The following BRPF3 variants were observed in gnomAD, a reference collection of about 807,000 sequenced individuals.
The protein encoded by BRPF3 is bromodomain and PHD finger-containing protein 3.
A neutral mutation model predicts 102.0 loss-of-function variants in BRPF3; 18 were observed. The ratio of observed to expected loss-of-function variants is 0.18; its 90% confidence interval spans 0.12 to 0.26. BRPF3 has a LOEUF of 0.26. Ranked by LOEUF, BRPF3 falls within the 10% of genes least tolerant of loss-of-function variation. The probability of loss-of-function intolerance (pLI) is 1.00; values close to 1 mark genes in which losing one functional copy is unlikely to be tolerated. For missense variants in BRPF3, 1,147 were observed against 1,567.8 expected (o/e 0.73, Z 4.53); for synonymous variants, 570 against 614.2 (o/e 0.93, Z 1.06).
Position 36,213,918 on chromosome 6 carries a change from A to G in BRPF3, c.2521A>G (p.Thr841Ala), listed in dbSNP as rs189565638. The change falls in exon 8 of 13, where the codon ACT becomes GCT. Residue 841 changes from threonine (T) to alanine (A), a missense_variant. Transcript: ENST00000357641. ...KLPPPPTLEPTGPAPSLSEQE... is the reference protein window; with the variant it reads ...KLPPPPTLEPAGPAPSLSEQE... ...GCCTCCTCCGCCAACCCTGGAGCCC[A>G]CTGGGCCTGCACCTTCCTTGTCTGA... 12 of 1,613,252 alleles carry G rather than the reference A, an allele frequency of 7.4e-6. No homozygotes were observed. The South Asian group carries it at 1.2e-4, about 16-fold the overall frequency.
At chr6:36,198,171 T>G (rs1767572934) in intron 1 of BRPF3, among the ~76,000 whole-genome samples, 1 of 152,210 alleles carries the variant, frequency 6.6e-6, no homozygotes, top group Non-Finnish European at 1.5e-5. Flanking sequence ...TGGCTCCAAA[T>G]GGGGTGTGTG....
At chr6:36,226,544 A>T (rs1038342433) in intron 11 of BRPF3, among the ~76,000 whole-genome samples, 1 of 152,180 alleles carries the variant, frequency 6.6e-6, no homozygotes, top group Non-Finnish European at 1.5e-5. Flanking sequence ...TGAGGCATCA[A>T]TATTTTTTAG....
chr6:36,211,637 G>T, intron 7 of BRPF3, 77 bp downstream of exon 7: 1 of 1,478,330 alleles, frequency 6.8e-7, no homozygotes, highest in Non-Finnish European at 9.1e-7. Context: ...TCATAATGGG[G>T]GTATTCTTTC....
At position 36,204,741 on chromosome 6, in the gene BRPF3, G is replaced by A. The variant is rs557769148; in HGVS notation, c.1532G>A (p.Arg511Gln). The A allele has an allele frequency of 6.2e-7, 1 of 1,614,218 alleles. No homozygotes were observed. The highest frequency in any genetic ancestry group is 2.2e-5 in the East Asian group (1 of 44,882). ...CTTCACAATTATTGGCTGTTGAAGC[G>A]GCAGGCACGGAATGGTGTCCCTCTT... ...QRLHNYWLLK[R>Q]QARNGVPLIR... Residue 511 changes from arginine (R) to glutamine (Q), a missense_variant, in exon 3 of 13, where the codon CGG becomes CAG. Transcript: ENST00000357641.
At chr6:36,212,717 G>A (rs528351451) in intron 7 of BRPF3, among the ~76,000 whole-genome samples, 2 of 152,216 alleles carry the variant, frequency 1.3e-5, no homozygotes, top group African/African-American at 4.8e-5. Flanking sequence ...ACTTTGGGAG[G>A]CCGAGGCGGG....
intron 1 of BRPF3, chr6:36,197,173 C>G (rs1326775784): frequency 6.6e-6 from 1 of 152,550 alleles, no homozygotes; most frequent in African/African-American, 2.4e-5. Flanking sequence ...AGCGAGGACC[C>G]CCTCCCGCAG....
At chr6:36,228,489 C>G (rs959595582) in intron 11 of BRPF3, among the ~76,000 whole-genome samples, 6 of 152,224 alleles carry the variant, frequency 3.9e-5, no homozygotes, top group African/African-American at 1.4e-4. Flanking sequence ...ACTGAGCCTC[C>G]TCTCTGATCT....
At position 36,207,133 on chromosome 6, in the gene BRPF3, C is replaced by T. The variant is rs115014253; in HGVS notation, c.1606-180C>T. 1.3e-3 allele frequency among the ~76,000 whole-genome samples: 194 copies of T among 152,232 alleles called. 1 individual carries two copies. The highest frequency in any genetic ancestry group is 4.5e-3 in the African/African-American group (187 of 41,530). ...ATTGCTTTATAATGAAGAAACAGTGCTGTAATACTGGGGCAGCTCAGGAGG... is the reference window on the plus strand; with the variant it reads ...ATTGCTTTATAATGAAGAAACAGTGTTGTAATACTGGGGCAGCTCAGGAGG... On this transcript the variant is annotated intron_variant, in intron 3 of 12. Coordinates refer to ENST00000357641, the MANE Select transcript of BRPF3 (RefSeq NM_015695.3).
chr6:36,228,763 G>C, intron 11 of BRPF3, 139 bp from the exon 12 acceptor site: 2 of 982,572 alleles, frequency 2.0e-6, no homozygotes, highest in Admixed American at 4.5e-5. Flanking sequence ...GGGTTTGCCT[G>C]TCTGGTCTGG....
intron 1 of BRPF3, among the ~76,000 whole-genome samples, chr6:36,198,438 A>T (rs1366124692): frequency 6.6e-6 from 1 of 152,184 alleles, no homozygotes; most frequent in Non-Finnish European, 1.5e-5. Context: ...ACCAGACCAT[A>T]GCACCTCTGT....
In BRPF3 at chr6:36,201,416, T is replaced by C. The variant is rs755050538; in HGVS notation, c.1094T>C (p.Met365Thr). ...GGGCTCTTCATGAAGATTGAGCCCA[T>C]GCGCGAAACCAGCCTCAATGGCACC... ...RAGLFMKIEP[M>T]RETSLNGTIF... Residue 365 changes from methionine to threonine, a missense_variant, in exon 2 of 13, where the codon ATG (methionine) becomes ACG (threonine). By Grantham distance (81) the Met-to-Thr change is moderately conservative. Transcript: ENST00000357641. This position sits in a 1 kb window ranked among gnomAD's most constrained non-coding sequence, Gnocchi z 5.1. The C allele has an allele frequency of 2.5e-6, 4 of 1,614,064 alleles. No individual in the cohort carries two copies. The African/African-American group carries it at 4.0e-5, about 16-fold the overall frequency.
rs777267762 is a variant in BRPF3 at position 36,230,770 on chromosome 6, C to A, written c.*161C>A. 7.7e-6 allele frequency: 7 copies of A among 905,236 alleles called. No homozygotes were observed. Among genetic ancestry groups the A allele is most frequent in the Non-Finnish European group, 1.1e-5 (7 of 609,820 alleles). The allele number at this position is 905,236 out of a possible 1,614,324, so 56.1% of individuals were successfully genotyped here. On this transcript the variant is annotated 3_prime_UTR_variant, in exon 13 of 13. Coordinates refer to ENST00000357641, the MANE Select transcript of BRPF3 (RefSeq NM_015695.3). This position sits in a 1 kb window ranked among gnomAD's most constrained non-coding sequence, Gnocchi z 5.4. ...CTAAGGGCAAGGCCCCAGTTTTGAC[C>A]AATCGCATGGTTCTCCTGGCAGGCC...
Position 36,200,155 on chromosome 6 carries a change from A to C in BRPF3, c.-26-142A>C. 9.9e-7 allele frequency: 1 copy of C among 1,009,126 alleles called. No homozygotes were observed. Among genetic ancestry groups the C allele is most frequent in the Non-Finnish European group, 1.4e-6 (1 of 722,490 alleles). 62.5% of individuals were successfully genotyped at this position (1,009,126 alleles called of 1,614,324 possible). Reference sequence around the variant, plus strand: ...ATGAAAGACTCAAAGGAAGTGAAGGAGCAAGCCATGTGGATGCCTGAGGGG... The same window carrying C: ...ATGAAAGACTCAAAGGAAGTGAAGGCGCAAGCCATGTGGATGCCTGAGGGG... On this transcript the variant is annotated intron_variant, in intron 1 of 12. Transcript: ENST00000357641. The surrounding 1 kb of genome is among the most constrained non-coding windows in gnomAD (Gnocchi z 5.3).
intron 7 of BRPF3, among the ~76,000 whole-genome samples, chr6:36,212,593 A>T (rs1158256335): frequency 1.3e-5 from 2 of 151,404 alleles, no homozygotes; most frequent in Admixed American, 6.6e-5. Flanking sequence ...AAAAAAAAAA[A>T]AGGTGTAGCC....
At chr6:36,212,283 C>T (rs1342221009) in intron 7 of BRPF3, among the ~76,000 whole-genome samples, 1 of 152,148 alleles carries the variant, frequency 6.6e-6, no homozygotes, top group Non-Finnish European at 1.5e-5. Context: ...CTCATACCTG[C>T]CTTCGGATCC....
chr6:36,211,077 G>A, intron 6 of BRPF3, 181 bp from the exon 7 acceptor site: 1 of 661,968 alleles, frequency 1.5e-6, no homozygotes, highest in African/African-American at 1.8e-5. Context: ...TTCTGACCTT[G>A]CCCCTGTGGC....
intron 10 of BRPF3, among the ~76,000 whole-genome samples, chr6:36,224,304 T>C (rs1304546885): frequency 1.3e-5 from 2 of 152,228 alleles, no homozygotes; most frequent in Non-Finnish European, 2.9e-5. Flanking sequence ...TGGTTGAGTG[T>C]GGTCACCTGC....
Position 36,230,110 on chromosome 6 carries a change from T to A in BRPF3, c.3435-316T>A, listed in dbSNP as rs1462507276. On this transcript the variant is annotated intron_variant, in intron 12 of 12. Transcript: ENST00000357641. The surrounding 1 kb of genome is among the most constrained non-coding windows in gnomAD (Gnocchi z 5.4). ...TCAGAGCCCTCCAGGGTGGCTCAGC[T>A]GGCCCCAGAGGGCAGCAGGTGGGCC... 6.6e-6 allele frequency among the ~76,000 whole-genome samples: 1 copy of A among 152,170 alleles called. No individual in the cohort carries two copies. The highest frequency in any genetic ancestry group is 1.5e-5 in the Non-Finnish European group (1 of 68,026).
chr6:36,226,046 G>A (rs760177401), intron 11 of BRPF3, among the ~76,000 whole-genome samples: 17 of 152,182 alleles, frequency 1.1e-4, no homozygotes, highest in Non-Finnish European at 2.2e-4. Context: ...TGATTGCATC[G>A]TCTTCAGTTG....
Sources: gnomAD v4.1 joint callset for allele counts (sites outside exome capture counted in the v4.1 genomes callset) on GRCh38, gnomAD v4.1.1 for gene constraint, Gnocchi (gnomAD v3.1) non-coding constraint, MANE v1.5 for transcripts, NCBI Gene and HGNC (gene_info 2026-07-23, HGNC 2026-07-21) for gene names.